Variants in RHBDD1 observed in about 807,000 individuals in gnomAD.
The protein encoded by RHBDD1 is rhomboid domain containing 1, also known as rhomboid-related protein 4.
In RHBDD1, 38 loss-of-function variants were observed where a neutral mutation model predicts 36.3. That is an observed-to-expected ratio of 1.05 (90% CI 0.81 to 1.37). RHBDD1 has a LOEUF of 1.37. Ranked by LOEUF, RHBDD1 falls within the 40% of genes most tolerant of loss-of-function variation. The probability of loss-of-function intolerance (pLI) is 0.00; values close to 1 mark genes in which losing one functional copy is unlikely to be tolerated. For synonymous variants in RHBDD1, 151 were observed against 136.5 expected, an observed-to-expected ratio of 1.11 and a Z score of -0.74; for missense variants, 393 against 377.6, an observed-to-expected ratio of 1.04 and a Z score of -0.34.
chr2:226,986,980 T>C (rs1253837168), intron 8 of RHBDD1, among the ~76,000 whole-genome samples: 7 of 152,224 alleles, frequency 4.6e-5, no homozygotes, highest in African/African-American at 1.7e-4. Context: ...ATGTACACCA[T>C]GGAATACTAT....
At chr2:226,871,408 A>C (rs1414138603) in intron 5 of RHBDD1, among the ~76,000 whole-genome samples, 1 of 152,258 alleles carries the variant, frequency 6.6e-6, no homozygotes, top group Non-Finnish European at 1.5e-5. Context: ...AAGAAAATTA[A>C]CAGTAATTCC....
intron 8 of RHBDD1, among the ~76,000 whole-genome samples, chr2:226,967,826 A>G (rs993794363): frequency 6.6e-6 from 1 of 152,110 alleles, no homozygotes; most frequent in Non-Finnish European, 1.5e-5. Context: ...TAGAGGGGTT[A>G]CAATTTTCAT....
intron 5 of RHBDD1, chr2:226,867,778 G>A (rs985417875): frequency 1.8e-6 from 1 of 549,106 alleles, no homozygotes; most frequent in Admixed American, 6.4e-5. Flanking sequence ...GAGTGCAGTG[G>A]CGTGATCTCA....
At chr2:226,919,899 T>C (rs1033657492) in intron 8 of RHBDD1, among the ~76,000 whole-genome samples, 12 of 152,104 alleles carry the variant, frequency 7.9e-5, no homozygotes, top group Non-Finnish European at 8.8e-5. Context: ...ATTGAATCTG[T>C]AGTTTGCTTT....
chr2:226,897,308 GTGTC>G (rs56199167), intron 5 of RHBDD1, among the ~76,000 whole-genome samples: 58,340 of 141,890 alleles, frequency 0.41, 11,602 homozygotes, highest in African/African-American at 0.49. Context: ...TGAGGTGTGT[GTGTC>G]TGTCTGTCTG....
chr2:226,994,454 G>A (rs1384033627), intron 8 of RHBDD1, among the ~76,000 whole-genome samples: 1 of 152,202 alleles, frequency 6.6e-6, no homozygotes, highest in Non-Finnish European at 1.5e-5. Flanking sequence ...TTCTATCGGG[G>A]TTGACCTAGC....
rs531752809 is a variant in RHBDD1 at position 226,911,491 on chromosome 2, G to A, written c.712+2613G>A. Among the ~76,000 whole-genome samples the A allele has an allele frequency of 7.3e-5, 11 of 149,782 alleles. No homozygotes were observed. The East Asian group carries it at 2.2e-3, about 29-fold the overall frequency. On this transcript the variant is annotated intron_variant, in intron 7 of 8. Transcript: ENST00000392062. ...GTTGCCACTTTCTTTGATTCTTTGT[G>A]GAAAAGATGTATTAATTATGTTTTT... is the stretch of plus-strand genomic sequence containing the variant.
At chr2:226,854,713 C>T (rs1251376169) in intron 3 of RHBDD1, among the ~76,000 whole-genome samples, 2 of 151,662 alleles carry the variant, frequency 1.3e-5, no homozygotes, top group Non-Finnish European at 2.9e-5. Context: ...AATTATGACA[C>T]TATTCATCGT....
the RHBDD1 span, among the ~76,000 whole-genome samples, chr2:226,821,723 A>T: frequency 6.6e-6 from 1 of 152,086 alleles, no homozygotes; most frequent in South Asian, 2.1e-4. Context: ...CTACACTATA[A>T]AAGTTTTAAT....
chr2:226,863,786 C>A (rs1403408142), intron 3 of RHBDD1, among the ~76,000 whole-genome samples: 1 of 152,198 alleles, frequency 6.6e-6, no homozygotes, highest in African/African-American at 2.4e-5. Flanking sequence ...TTAGCCAAAG[C>A]ATGTCACAGT....
At chr2:226,805,616 T>G in the RHBDD1 span, among the ~76,000 whole-genome samples, 1 of 152,358 alleles carries the variant, frequency 6.6e-6, no homozygotes, top group Non-Finnish European at 1.5e-5. Context: ...GCCCCCTTCT[T>G]TATCTTAAAT....
At chr2:226,965,668 G>T (rs1476706929) in intron 8 of RHBDD1, among the ~76,000 whole-genome samples, 2 of 152,160 alleles carry the variant, frequency 1.3e-5, no homozygotes, top group Admixed American at 1.3e-4. Context: ...AGTAGTTCAG[G>T]TTTACAGGAA....
Position 226,997,830 on chromosome 2 carries a change from G to A in RHBDD1, c.*2308G>A, listed in dbSNP as rs1959834586. The A allele has an allele frequency of 6.6e-6, 1 of 152,156 alleles. No individual in the cohort carries two copies. The highest frequency in any genetic ancestry group is 2.4e-5 in the African/African-American group (1 of 41,432). 9.4% of individuals were successfully genotyped at this position (152,156 alleles called of 1,614,324 possible). On this transcript the variant is annotated 3_prime_UTR_variant, in exon 9 of 9. Transcript: ENST00000392062. ...ATTACTTTAGCACAACAATAAAGAT[G>A]TTCTGGAAATTATTATAATTATTTT...
At chr2:226,899,920 A>G (rs1280396013) in intron 5 of RHBDD1, among the ~76,000 whole-genome samples, 3 of 152,238 alleles carry the variant, frequency 2.0e-5, no homozygotes, top group Non-Finnish European at 2.9e-5. Context: ...AACTTGAGTA[A>G]TCAGAATAAA....
rs754809496 is a variant in RHBDD1 at position 226,945,894 on chromosome 2, T to C, written c.856+31543T>C. On this transcript the variant is annotated intron_variant, in intron 8 of 8. Coordinates refer to ENST00000392062, the MANE Select transcript of RHBDD1 (RefSeq NM_001167608.3). ...ATCTCATGGTTTTGATTTGTATTTC[T>C]CTAATGACCGGTGATAAGGTTTTTT... Among the ~76,000 whole-genome samples the C allele has an allele frequency of 6.9e-4, 105 of 152,228 alleles. 1 individual carries two copies. The highest frequency in any genetic ancestry group is 3.9e-4 in the Admixed American group (6 of 15,288).
chr2:226,940,733 G>A (rs1950610512), intron 8 of RHBDD1, among the ~76,000 whole-genome samples: 1 of 152,112 alleles, frequency 6.6e-6, no homozygotes, highest in African/African-American at 2.4e-5. Flanking sequence ...CATCATATCT[G>A]ACACGTTGGT....
intron 5 of RHBDD1, among the ~76,000 whole-genome samples, chr2:226,876,686 C>T (rs548283042): frequency 2.0e-5 from 3 of 152,094 alleles, no homozygotes; most frequent in African/African-American, 7.2e-5. Context: ...CCCATTTAGA[C>T]TCTTGAAAAT....
At chr2:226,917,711 A>G (rs1341991977) in intron 8 of RHBDD1, among the ~76,000 whole-genome samples, 3 of 151,960 alleles carry the variant, frequency 2.0e-5, no homozygotes, top group Non-Finnish European at 2.9e-5. Flanking sequence ...TTCCTCCTAC[A>G]CATGTATTTT....
At chr2:226,853,894 T>C (rs530852324) in intron 3 of RHBDD1, among the ~76,000 whole-genome samples, 46 of 152,192 alleles carry the variant, frequency 3.0e-4, no homozygotes, top group African/African-American at 1.0e-3. Flanking sequence ...CTCTACGGAG[T>C]GTGCTTTAGA....
Sources: allele counts gnomAD v4.1 joint callset (sites outside exome capture counted in the v4.1 genomes callset), GRCh38; gene constraint gnomAD v4.1.1; transcripts MANE v1.5; gene names NCBI Gene and HGNC (gene_info 2026-07-23, HGNC 2026-07-21).